Variants in RAB3GAP2 observed in about 807,000 individuals in gnomAD.
RAB3GAP2 encodes RAB3 GTPase activating non-catalytic protein subunit 2, also known as rab3 GTPase-activating protein non-catalytic subunit.
RAB3GAP2 carries 87 observed loss-of-function variants against 185.3 expected under a neutral mutation model. That is an observed-to-expected ratio of 0.47 (90% CI 0.39 to 0.56). RAB3GAP2 has a LOEUF of 0.56. Among genes scored for constraint, RAB3GAP2 ranks in the 20% least tolerant of loss-of-function variants. The pLI, the probability that RAB3GAP2 is intolerant of heterozygous loss-of-function variation, is 0.00. For synonymous variants in RAB3GAP2, 554 were observed against 576.1 expected, an observed-to-expected ratio of 0.96 and a Z score of 0.55; for missense variants, 1,492 against 1,638.2, an observed-to-expected ratio of 0.91 and a Z score of 1.54.
At chr1:220,205,848 G>T in intron 8 of RAB3GAP2, 59 bp downstream of exon 8, 1 of 1,220,922 alleles carries the variant, frequency 8.2e-7, no homozygotes, top group Non-Finnish European at 1.2e-6. Context: ...TCCATAAGCA[G>T]GTGAAATTAA....
At chr1:220,211,098 T>C in intron 4 of RAB3GAP2, 96 bp from the exon 5 acceptor site, 3 of 1,197,656 alleles carry the variant, frequency 2.5e-6, no homozygotes, top group South Asian at 1.3e-5. Flanking sequence ...AACTGGAAGA[T>C]GACTTCTGTG....
chr1:220,181,551 A>G (rs1472113800), intron 21 of RAB3GAP2, among the ~76,000 whole-genome samples: 1 of 152,176 alleles, frequency 6.6e-6, no homozygotes, highest in East Asian at 1.9e-4. Context: ...AGATTACATT[A>G]TAATATATAT....
chr1:220,173,264 T>G (rs1487333125), intron 21 of RAB3GAP2, among the ~76,000 whole-genome samples: 1 of 152,222 alleles, frequency 6.6e-6, no homozygotes, highest in East Asian at 1.9e-4. Context: ...CCAAAAAACT[T>G]AAGTCAACAT....
chr1:220,254,964 T>C (rs1224909965), intron 1 of RAB3GAP2, among the ~76,000 whole-genome samples: 1 of 151,916 alleles, frequency 6.6e-6, no homozygotes, highest in East Asian at 1.9e-4. Context: ...TTTTTTTTTT[T>C]TTTTATGGTG....
chr1:220,200,331 C>A (rs1183708455), intron 9 of RAB3GAP2, among the ~76,000 whole-genome samples: 1 of 152,170 alleles, frequency 6.6e-6, no homozygotes, highest in Non-Finnish European at 1.5e-5. Context: ...TCTACCATAA[C>A]CTACTTATTT....
At position 220,267,936 on chromosome 1, in the gene RAB3GAP2, C is replaced by A. The variant is rs915871249; in HGVS notation, c.115+4287G>T. 6.1e-6 allele frequency: 4 copies of A among 655,460 alleles called. No homozygotes were observed. In the African/African-American group the frequency reaches 7.2e-5, roughly 12 times the overall value. 40.6% of individuals were successfully genotyped at this position (655,460 alleles called of 1,614,324 possible). On this transcript the variant is annotated intron_variant, in intron 1 of 34. Transcript: ENST00000358951. ...GTCCGTGATGCCTATGACCCAAGGA[C>A]CTGAGTCTTCCAAGAGCTCAGCCCA... is the stretch of plus-strand genomic sequence containing the variant.
Position 220,153,372 on chromosome 1 carries a change from G to A in RAB3GAP2, c.3680C>T (p.Ala1227Val). Residue 1227 changes from alanine to valine, a missense_variant, in exon 33 of 35, where the codon GCC (alanine) becomes GTC (valine). Around this residue, in one of 5 missense-constraint regions of RAB3GAP2, gnomAD observed 387 missense variants for 455.3 expected, o/e 0.85. Transcript: ENST00000358951. ...TTTGACCTTTGTGGCTGAATGTTGG[G>A]CCTGGACAGCTGCACTGACAACTTT... ...LLKVVSAAVQ[A>V]QHSATKVKDP... The A allele has an allele frequency of 2.5e-6, 4 of 1,614,200 alleles. No individual in the cohort carries two copies. The highest frequency in any genetic ancestry group is 3.4e-6 in the Non-Finnish European group (4 of 1,180,024).
At chr1:220,256,368 C>T (rs1308494566) in intron 1 of RAB3GAP2, among the ~76,000 whole-genome samples, 1 of 152,186 alleles carries the variant, frequency 6.6e-6, no homozygotes, top group East Asian at 1.9e-4. Flanking sequence ...AAATAACCAG[C>T]TAGCATCATG....
At chr1:220,190,243 A>G (rs961494946) in intron 15 of RAB3GAP2, 97 bp from the exon 16 acceptor site, 5 of 1,501,728 alleles carry the variant, frequency 3.3e-6, no homozygotes, top group African/African-American at 1.4e-5. Context: ...TATATTTCCT[A>G]TTTAACTTTA....
chr1:220,205,938 A>C lies in RAB3GAP2; in HGVS notation c.681T>G (p.Ser227=), dbSNP rs746917451. 6.2e-7 allele frequency: 1 copy of C among 1,610,220 alleles called. No homozygotes were observed. The highest frequency in any genetic ancestry group is 1.3e-5 in the African/African-American group (1 of 74,842). Reference sequence around the variant, plus strand: ...CTACCTGATTTCGACAAGCACGAAGAGATTGAAAAAGGCTAAATCCATCAA... The same window carrying C: ...CTACCTGATTTCGACAAGCACGAAGCGATTGAAAAAGGCTAAATCCATCAA... ...VTIDGFSLFQ[S]LRACRNQVAK... The change falls in exon 8 of 35, where the codon TCT becomes TCG. Residue 227 remains serine, a synonymous_variant. Coordinates refer to ENST00000358951, the MANE Select transcript of RAB3GAP2 (RefSeq NM_012414.4).
At chr1:220,237,479 G>A (rs1001919747) in intron 1 of RAB3GAP2, among the ~76,000 whole-genome samples, 1 of 152,222 alleles carries the variant, frequency 6.6e-6, no homozygotes, top group Admixed American at 6.5e-5. Context: ...CAGCGTTATA[G>A]TTTCTCCTGC....
intron 27 of RAB3GAP2, among the ~76,000 whole-genome samples, chr1:220,163,857 T>C: frequency 6.6e-6 from 1 of 150,910 alleles, no homozygotes; most frequent in Admixed American, 6.6e-5. Flanking sequence ...TTTCTGCAAC[T>C]GGATTTCATG....
chr1:220,149,701 A>AATC lies in RAB3GAP2; in HGVS notation c.*1547_*1549dup, dbSNP rs1203670369. ...TGCTACTCTGTAAAATGTATGTCTC[A>AATC]ATCAGACTCACAGGCCCCCATCCCA... On this transcript the variant is annotated 3_prime_UTR_variant, in exon 35 of 35. Coordinates refer to ENST00000358951, the MANE Select transcript of RAB3GAP2 (RefSeq NM_012414.4). 6.6e-6 allele frequency: 1 copy of AATC among 152,212 alleles called. No individual in the cohort carries two copies. The highest frequency in any genetic ancestry group is 1.5e-5 in the Non-Finnish European group (1 of 68,042). The allele number at this position is 152,212 out of a possible 1,614,324, so 9.4% of individuals were successfully genotyped here.
chr1:220,243,223 A>G (rs1446258715), intron 1 of RAB3GAP2, among the ~76,000 whole-genome samples: 3 of 151,844 alleles, frequency 2.0e-5, no homozygotes, highest in Non-Finnish European at 4.4e-5. Flanking sequence ...GTGTGGTGGC[A>G]GGCGCCTGTA....
At chr1:220,226,038 A>G (rs987652568) in intron 2 of RAB3GAP2, among the ~76,000 whole-genome samples, 3 of 152,206 alleles carry the variant, frequency 2.0e-5, no homozygotes, top group African/African-American at 4.8e-5. Context: ...CTAAACTGTT[A>G]TAACAGTTTC....
At chr1:220,246,669 A>G (rs377265500) in intron 1 of RAB3GAP2, among the ~76,000 whole-genome samples, 1 of 127,084 alleles carries the variant, frequency 7.9e-6, no homozygotes, top group African/African-American at 3.0e-5. Flanking sequence ...CTATCGCAAG[A>G]ACAAAAAACC....
intron 1 of RAB3GAP2, among the ~76,000 whole-genome samples, chr1:220,260,568 G>C (rs1035876913): frequency 1.3e-5 from 2 of 151,914 alleles, no homozygotes; most frequent in Non-Finnish European, 2.9e-5. Context: ...ACACATAGGG[G>C]AGGACAAAAC....
At chr1:220,164,399 C>G (rs1658024211) in intron 27 of RAB3GAP2, among the ~76,000 whole-genome samples, 1 of 151,342 alleles carries the variant, frequency 6.6e-6, no homozygotes, top group African/African-American at 2.4e-5. Context: ...GTTGTTTTGC[C>G]CCTTTATAAA....
rs1658612992 is a variant in RAB3GAP2 at position 220,191,223 on chromosome 1, T to C, written c.1332A>G (p.Pro444=). 3 of 1,613,816 alleles carry C rather than the reference T, an allele frequency of 1.9e-6. No homozygotes were observed. The highest frequency in any genetic ancestry group is 2.7e-5 in the African/African-American group (2 of 74,884). The change falls in exon 14 of 35, where the codon CCA becomes CCG. Residue 444 remains proline (P), a synonymous_variant. Transcript: ENST00000358951. ...CAAAGGGGGAAAAATCTGCCTTTTC[T>C]GGCACTCTTTCATGGAGGTCCTCTA... ...QTVEDLHERV[P]EKADFSPFGN... is the part of the protein sequence containing the mutation.
Sources: allele counts gnomAD v4.1 joint callset (sites outside exome capture counted in the v4.1 genomes callset), GRCh38; gene constraint gnomAD v4.1.1; regional missense constraint gnomAD v4.1.1; transcripts MANE v1.5; gene names NCBI Gene and HGNC (gene_info 2026-07-23, HGNC 2026-07-21).